LONRF1: variants seen among roughly 807,000 people sequenced by gnomAD.
The protein encoded by LONRF1 is LON peptidase N-terminal domain and RING finger protein 1.
LONRF1 carries 37 observed loss-of-function variants against 85.8 expected under a neutral mutation model. That is an observed-to-expected ratio of 0.43 (90% confidence interval 0.33 to 0.57). LONRF1 has a LOEUF of 0.57. Among genes scored for constraint, LONRF1 ranks in the 20% least tolerant of loss-of-function variants. The pLI is 0.04. For synonymous variants in LONRF1, 517 were observed against 390.1 expected (o/e 1.33, Z -3.83); for missense variants, 1,036 against 978.0 (o/e 1.06, Z -0.79).
At chr8:12,750,748 C>G (rs571053209) in intron 1 of LONRF1, among the ~76,000 whole-genome samples, 23 of 152,168 alleles carry the variant, frequency 1.5e-4, no homozygotes, top group African/African-American at 5.6e-4. Context: ...TTGATGAATG[C>G]TAAACTGCTA....
Position 12,723,269 on chromosome 8 carries a change from C to G in LONRF1, c.2164-15G>C. 6.3e-7 allele frequency: 1 copy of G among 1,579,648 alleles called. No homozygotes were observed. On this transcript the variant is annotated splice_polypyrimidine_tract_variant and intron_variant, in intron 11 of 11. Coordinates refer to ENST00000398246, the MANE Select transcript of LONRF1 (RefSeq NM_152271.5). ...TTAGGGGCTGCCTAAAAACAATGGA[C>G]AGTTTATAGCATTAATAAAACAAGG...
chr8:12,722,315 A>G lies in LONRF1; in HGVS notation c.*781T>C, dbSNP rs1805922408. Reference sequence around the variant, plus strand: ...AAATGTACAAACTAACTGGTACTGAATTGAGTTCTCCCTTTACCTTTATGT... The same window carrying G: ...AAATGTACAAACTAACTGGTACTGAGTTGAGTTCTCCCTTTACCTTTATGT... On this transcript the variant is annotated 3_prime_UTR_variant, in exon 12 of 12. Coordinates refer to ENST00000398246, the MANE Select transcript of LONRF1 (RefSeq NM_152271.5). The G allele has an allele frequency of 6.6e-6, 1 of 152,660 alleles. No homozygotes were observed. The highest frequency in any genetic ancestry group is 6.5e-5 in the Admixed American group (1 of 15,284). 9.5% of individuals were successfully genotyped at this position (152,660 alleles called of 1,614,324 possible).
At chr8:12,749,292 C>A (rs186191343) in intron 1 of LONRF1, among the ~76,000 whole-genome samples, 23 of 152,166 alleles carry the variant, frequency 1.5e-4, no homozygotes, top group Non-Finnish European at 2.9e-5. Context: ...GGAGAGCAGA[C>A]TGGACAACAG....
At chr8:12,742,784 G>A (rs1798988517) in intron 2 of LONRF1, among the ~76,000 whole-genome samples, 1 of 151,976 alleles carries the variant, frequency 6.6e-6, no homozygotes, top group Non-Finnish European at 1.5e-5. Context: ...AGGCTGGAAT[G>A]CAGTGGCACT....
intron 3 of LONRF1, among the ~76,000 whole-genome samples, chr8:12,739,686 T>C (rs1391975850): frequency 6.6e-6 from 1 of 152,198 alleles, no homozygotes; most frequent in Non-Finnish European, 1.5e-5. Flanking sequence ...ATTATTTGTT[T>C]TGCATCTACC....
intron 3 of LONRF1, 89 bp downstream of exon 3, chr8:12,740,785 T>C: frequency 4.0e-6 from 6 of 1,490,480 alleles, no homozygotes; most frequent in African/African-American, 1.4e-5. Flanking sequence ...ACTACTTATG[T>C]TCTTATTCCA....
At chr8:12,748,170 T>C (rs1799239293) in intron 1 of LONRF1, among the ~76,000 whole-genome samples, 1 of 152,186 alleles carries the variant, frequency 6.6e-6, no homozygotes, top group Non-Finnish European at 1.5e-5. Context: ...AGTTATTTGC[T>C]ATACAGTATG....
At chr8:12,754,374 C>T in intron 1 of LONRF1, 1 of 222,140 alleles carries the variant, frequency 4.5e-6, no homozygotes, top group Non-Finnish European at 8.8e-6. Context: ...CCATCCCGCG[C>T]CGGGGCGGCC....
At chr8:12,745,477 T>A (rs566947968) in intron 1 of LONRF1, among the ~76,000 whole-genome samples, 1 of 152,148 alleles carries the variant, frequency 6.6e-6, no homozygotes, top group Admixed American at 6.5e-5. Context: ...AGGTCTGCCT[T>A]CCACGTAAAC....
chr8:12,723,253 G>C lies in LONRF1; in HGVS notation c.2165C>G (p.Ala722Gly). 1 of 1,604,602 alleles carries C rather than the reference G, an allele frequency of 6.2e-7. No individual in the cohort carries two copies. The highest frequency in any genetic ancestry group is 8.5e-7 in the Non-Finnish European group (1 of 1,177,396). Residue 722 changes from alanine (A) to glycine (G), a missense_variant and splice_region_variant, in exon 12 of 12, where the codon GCA becomes GGA. Physicochemically the swap from Ala to Gly is moderately conservative, Grantham distance 60 (BLOSUM62 0). Coordinates refer to ENST00000398246, the MANE Select transcript of LONRF1 (RefSeq NM_152271.5). ...SMPEREENLQ[A>G]APNGPAWCWW... The stretch of plus-strand genomic sequence containing the variant: ...ACACCATGCAGGTCCATTAGGGGCT[G>C]CCTAAAAACAATGGACAGTTTATAG...
At chr8:12,745,274 C>T (rs975482674) in intron 1 of LONRF1, among the ~76,000 whole-genome samples, 1 of 144,112 alleles carries the variant, frequency 6.9e-6, no homozygotes, top group Admixed American at 7.1e-5. Context: ...GTATGTAATG[C>T]TCTTATTGAA....
At chr8:12,753,924 T>G (rs1453346054) in intron 1 of LONRF1, 1 of 152,252 alleles carries the variant, frequency 6.6e-6, no homozygotes, top group South Asian at 2.1e-4. Context: ...ATAAGCTAGG[T>G]GCACTGCAAA....
chr8:12,748,190 A>G (rs1396807022), intron 1 of LONRF1, among the ~76,000 whole-genome samples: 2 of 152,070 alleles, frequency 1.3e-5, no homozygotes, highest in East Asian at 3.9e-4. Flanking sequence ...GTAGAAAGTT[A>G]TTTATTGCTT....
Position 12,754,851 on chromosome 8 carries a change from G to A in LONRF1, c.570C>T (p.Asp190=). The A allele has an allele frequency of 1.3e-6, 2 of 1,493,130 alleles. No homozygotes were observed. Among genetic ancestry groups the A allele is most frequent in the Non-Finnish European group, 1.8e-6 (2 of 1,126,228 alleles). 92.5% of individuals were successfully genotyped at this position (1,493,130 alleles called of 1,614,324 possible). ...PPLAAAIAAS[D]FRTSVVLNHL... ...GGTTGAGGACGACGCTGGTTCTGAA[G>A]TCTGAAGCGGCGATGGCGGCGGCCA... The change falls in exon 1 of 12, where the codon GAC becomes GAT. Residue 190 remains aspartate (D), a synonymous_variant. Coordinates refer to ENST00000398246, the MANE Select transcript of LONRF1 (RefSeq NM_152271.5).
At chr8:12,725,537 T>C (rs1798262921) in intron 11 of LONRF1, among the ~76,000 whole-genome samples, 190 bp downstream of exon 11, 1 of 152,168 alleles carries the variant, frequency 6.6e-6, no homozygotes, top group Non-Finnish European at 1.5e-5. Flanking sequence ...AGCCTCTATC[T>C]GTACGGAATG....
chr8:12,736,493 C>T (rs1463292856), intron 6 of LONRF1, among the ~76,000 whole-genome samples: 1 of 152,142 alleles, frequency 6.6e-6, no homozygotes, highest in Non-Finnish European at 1.5e-5. Context: ...AAAGCTTGAT[C>T]CCACTTTCTA....
intron 11 of LONRF1, among the ~76,000 whole-genome samples, chr8:12,725,178 G>A (rs1361946142): frequency 6.6e-6 from 1 of 152,176 alleles, no homozygotes; most frequent in Non-Finnish European, 1.5e-5. Context: ...AAGCTTAAGT[G>A]TAAACCCTAA....
chr8:12,751,294 A>ATTTTTTTTTTTTT (rs1554469328), intron 1 of LONRF1, among the ~76,000 whole-genome samples: 1 of 84,810 alleles, frequency 1.2e-5, no homozygotes, highest in Non-Finnish European at 2.3e-5. Flanking sequence ...TTTTATTTTT[A>ATTTTTTTTTTTTT]TGTTTTTTTT....
In LONRF1 at chr8:12,748,909, A is replaced by T. The variant is rs114877499; in HGVS notation, c.722-5627T>A. ...CCAAGTGATAAGCTGTTGATCATTGATTAAGAATGTTCAGGAGTAGGAGTT... is the reference window on the plus strand; with the variant it reads ...CCAAGTGATAAGCTGTTGATCATTGTTTAAGAATGTTCAGGAGTAGGAGTT... On this transcript the variant is annotated intron_variant, in intron 1 of 11. Coordinates refer to ENST00000398246, the MANE Select transcript of LONRF1 (RefSeq NM_152271.5). 5.0e-3 allele frequency among the ~76,000 whole-genome samples: 752 copies of T among 151,856 alleles called. 10 individuals are homozygous for T. The South Asian group carries it at 0.054, about 11-fold the overall frequency.
Sources: gnomAD v4.1 joint callset for allele counts (sites outside exome capture counted in the v4.1 genomes callset) on GRCh38, gnomAD v4.1.1 for gene constraint, MANE v1.5 for transcripts, NCBI Gene and HGNC (gene_info 2026-07-23, HGNC 2026-07-21) for gene names.